SHANK2: variants seen among roughly 807,000 people sequenced by gnomAD.
The protein encoded by SHANK2 is SH3 and multiple ankyrin repeat domains 2, also known as SH3 and multiple ankyrin repeat domains protein 2.
Under a neutral mutation model 133.7 loss-of-function variants are expected in SHANK2, and 43 were observed. That is an observed-to-expected ratio of 0.32 (90% confidence interval 0.25 to 0.41). The LOEUF (loss-of-function observed/expected upper bound fraction) is 0.41, where lower values mean the gene tolerates loss of function less well. Among genes scored for constraint, SHANK2 ranks in the 10% least tolerant of loss-of-function variants. The probability of loss-of-function intolerance (pLI) is 1.00; values close to 1 mark genes in which losing one functional copy is unlikely to be tolerated. For synonymous variants in SHANK2, 1,017 were observed against 952.8 expected (o/e 1.07, Z -1.24); for missense variants, 1,994 against 2,235.8 (o/e 0.89, Z 2.18).
chr11:70,858,658 T>C (rs1429227302), intron 11 of SHANK2, among the ~76,000 whole-genome samples: 1 of 152,256 alleles, frequency 6.6e-6, no homozygotes, highest in Admixed American at 6.5e-5. Flanking sequence ...GAAACTTCTT[T>C]GTTAAAACTC....
At chr11:70,559,152 G>A (rs549246803) in intron 17 of SHANK2, among the ~76,000 whole-genome samples, 4 of 152,032 alleles carry the variant, frequency 2.6e-5, no homozygotes, top group Non-Finnish European at 4.4e-5. Flanking sequence ...CTGAGTCGCT[G>A]GGATTACAGG....
At chr11:70,854,750 C>T (rs1256255231) in intron 11 of SHANK2, among the ~76,000 whole-genome samples, 1 of 152,214 alleles carries the variant, frequency 6.6e-6, no homozygotes, top group Non-Finnish European at 1.5e-5. Context: ...CAGGGAGAAA[C>T]ACCCACAGCT....
At chr11:70,843,397 G>C (rs916675010) in intron 11 of SHANK2, among the ~76,000 whole-genome samples, 16 of 152,114 alleles carry the variant, frequency 1.1e-4, no homozygotes, top group African/African-American at 3.6e-4. Context: ...TTTGGGAAGA[G>C]TTTATGGATG....
At chr11:71,237,744 G>C (rs1954841083) in intron 1 of SHANK2, among the ~76,000 whole-genome samples, 1 of 152,138 alleles carries the variant, frequency 6.6e-6, no homozygotes, top group African/African-American at 2.4e-5. Flanking sequence ...TGAATCACTA[G>C]CTGTAGAGCC....
chr11:71,120,829 T>C (rs1396183525), intron 3 of SHANK2, among the ~76,000 whole-genome samples: 1 of 152,198 alleles, frequency 6.6e-6, no homozygotes, highest in Admixed American at 6.5e-5. Flanking sequence ...GCCCCTCCAA[T>C]TCAAGCTCCA....
At chr11:70,564,418 C>G (rs1372707564) in intron 17 of SHANK2, among the ~76,000 whole-genome samples, 2 of 151,954 alleles carry the variant, frequency 1.3e-5, no homozygotes, top group African/African-American at 4.8e-5. Flanking sequence ...ACCACCATGC[C>G]CAGCCAACTT....
chr11:70,726,937 C>T (rs1385785736), intron 14 of SHANK2, among the ~76,000 whole-genome samples: 2 of 152,230 alleles, frequency 1.3e-5, no homozygotes, highest in African/African-American at 4.8e-5. Flanking sequence ...GTCATCCCTG[C>T]CAACTTGCTG....
chr11:70,770,475 G>A (rs1474512219), intron 14 of SHANK2, among the ~76,000 whole-genome samples: 2 of 152,222 alleles, frequency 1.3e-5, no homozygotes, highest in African/African-American at 4.8e-5. Flanking sequence ...GCCTGAAAAT[G>A]CCCACCTGGA....
At chr11:71,109,823 A>C in intron 6 of SHANK2, 118 bp downstream of exon 6, 1 of 718,928 alleles carries the variant, frequency 1.4e-6, no homozygotes, top group Non-Finnish European at 2.4e-6. Context: ...ACCTTTAAAC[A>C]CCAAACAAAA....
intron 10 of SHANK2, among the ~76,000 whole-genome samples, chr11:70,917,912 T>C (rs1950291972): frequency 6.6e-6 from 1 of 151,924 alleles, no homozygotes; most frequent in Non-Finnish European, 1.5e-5. Context: ...GGGCACTAGG[T>C]TTAATACCTG....
intron 3 of SHANK2, among the ~76,000 whole-genome samples, chr11:71,138,126 C>G (rs1281803512): frequency 1.6e-5 from 1 of 62,994 alleles, no homozygotes; most frequent in African/African-American, 4.0e-5. Context: ...GAACCACACC[C>G]CTGCACCAGC....
intron 6 of SHANK2, 33 bp downstream of exon 6, chr11:71,109,908 A>G (rs1431186562): frequency 3.7e-6 from 5 of 1,361,318 alleles, no homozygotes; most frequent in Non-Finnish European, 5.1e-6. Context: ...GCTTCCGTAA[A>G]GCCTGGTAAG....
chr11:71,215,871 C>T (rs2135708854), intron 2 of SHANK2, among the ~76,000 whole-genome samples: 1 of 152,334 alleles, frequency 6.6e-6, no homozygotes, highest in Non-Finnish European at 1.5e-5. Flanking sequence ...CCTACCACCA[C>T]CTTGGGCACA....
At chr11:70,633,525 TACAA>T (rs1347414035) in intron 17 of SHANK2, 1 of 152,260 alleles carries the variant, frequency 6.6e-6, no homozygotes, top group Non-Finnish European at 1.5e-5. Flanking sequence ...TGCCTTCTTG[TACAA>T]ACAGTGTTCA....
intron 21 of SHANK2, among the ~76,000 whole-genome samples, chr11:70,494,204 T>C (rs902409101): frequency 6.6e-6 from 1 of 152,164 alleles, no homozygotes; most frequent in African/African-American, 2.4e-5. Flanking sequence ...CTGACACCTA[T>C]GGACACTCTC....
At position 70,509,289 on chromosome 11, in the gene SHANK2, T is replaced by C. The variant is rs115700489; in HGVS notation, c.2062-6358A>G. 6.1e-3 allele frequency among the ~76,000 whole-genome samples: 931 copies of C among 152,348 alleles called. 13 individuals carry two copies. Among genetic ancestry groups the C allele is most frequent in the African/African-American group, 0.021 (894 of 41,588 alleles). On this transcript the variant is annotated intron_variant, in intron 17 of 25. Transcript: ENST00000601538. The stretch of plus-strand genomic sequence containing the variant: ...GCAGCACCAGCTGTTGCCCATGCAG[T>C]GGCACAGGTCTCCAGCGCTGCCCAA...
chr11:71,160,105 A>C (rs1302105643), intron 2 of SHANK2, among the ~76,000 whole-genome samples: 1 of 152,170 alleles, frequency 6.6e-6, no homozygotes, highest in Non-Finnish European at 1.5e-5. Context: ...AGTCCATCGC[A>C]GGGGACACCT....
At position 70,672,343 on chromosome 11, in the gene SHANK2, C is replaced by T. The variant is rs186143577; in HGVS notation, c.1854-10665G>A. ...CCTTCCAAAGTGCTGGGATTACAGG[C>T]GTGAGCCACCGCACCCAGCCTCCCC... On this transcript the variant is annotated intron_variant, in intron 15 of 25. Transcript: ENST00000601538. 1.8e-4 allele frequency among the ~76,000 whole-genome samples: 28 copies of T among 152,324 alleles called. No individual in the cohort carries two copies. The East Asian group carries it at 1.9e-3, about 10-fold the overall frequency.
At chr11:70,754,193 A>G (rs1365102081) in intron 14 of SHANK2, among the ~76,000 whole-genome samples, 1 of 152,206 alleles carries the variant, frequency 6.6e-6, no homozygotes, top group Non-Finnish European at 1.5e-5. Flanking sequence ...CATTTCAAGA[A>G]GCAGCAACAC....
Sources: allele counts gnomAD v4.1 joint callset (sites outside exome capture counted in the v4.1 genomes callset), GRCh38; gene constraint gnomAD v4.1.1; transcripts MANE v1.5; gene names NCBI Gene and HGNC (gene_info 2026-07-23, HGNC 2026-07-21).